The following SP100 variants were observed in gnomAD, a reference collection of about 807,000 sequenced individuals.
SP100 encodes nuclear autoantigen Sp-100.
SP100 carries 84 observed loss-of-function variants against 130.0 expected under a neutral mutation model. The ratio of observed to expected loss-of-function variants is 0.65; its 90% confidence interval spans 0.54 to 0.77. The LOEUF is 0.77. Among genes scored for constraint, SP100 ranks in the 30% least tolerant of loss-of-function variants. SP100 has a pLI of 0.00. For missense variants in SP100, 978 were observed against 1,052.2 expected, an observed-to-expected ratio of 0.93 and a Z score of 0.97; for synonymous variants, 331 against 351.7, an observed-to-expected ratio of 0.94 and a Z score of 0.66.
intron 24 of SP100, among the ~76,000 whole-genome samples, chr2:230,520,034 G>A (rs2150095059): frequency 6.6e-6 from 1 of 152,284 alleles, no homozygotes; most frequent in Non-Finnish European, 1.5e-5. Context: ...GATTAAGTGT[G>A]GTGGTTTTGA....
intron 17 of SP100, among the ~76,000 whole-genome samples, chr2:230,480,502 T>C (rs888408346): frequency 6.6e-6 from 1 of 152,206 alleles, no homozygotes; most frequent in Non-Finnish European, 1.5e-5. Flanking sequence ...GTGGATCTCA[T>C]TTATGGGGGC....
chr2:230,425,668 T>G (rs1017858487), intron 2 of SP100, among the ~76,000 whole-genome samples: 6 of 152,190 alleles, frequency 3.9e-5, no homozygotes, highest in Non-Finnish European at 8.8e-5. Flanking sequence ...TGGTAGTATT[T>G]TGTTGAGAAT....
intron 2 of SP100, among the ~76,000 whole-genome samples, chr2:230,432,526 T>C (rs2063130119): frequency 6.6e-6 from 1 of 152,210 alleles, no homozygotes. Context: ...AAATTTGTTA[T>C]TTTATGTCTT....
At position 230,506,782 on chromosome 2, in the gene SP100, TACACACACACACAC is replaced by T. The variant is rs57619257; in HGVS notation, c.2013+367_2013+380del. On this transcript the variant is annotated intron_variant, in intron 22 of 28. Transcript: ENST00000340126. ...ATTTTCGGGGGAGGTAAATGTTAAA[TACACACACACACAC>T]ACACACACACACACACACACACACA... 325 of 181,534 alleles carry T rather than the reference TACACACACACACAC, an allele frequency of 1.8e-3. 1 individual carries two copies. Among genetic ancestry groups the T allele is most frequent in the African/African-American group, 7.0e-3 (277 of 39,656 alleles). 11.2% of individuals were successfully genotyped at this position (181,534 alleles called of 1,614,324 possible).
chr2:230,418,560 C>T (rs535033349), intron 2 of SP100, among the ~76,000 whole-genome samples: 2 of 151,936 alleles, frequency 1.3e-5, no homozygotes, highest in African/African-American at 2.4e-5. Flanking sequence ...CCAAACTTCC[C>T]GTTTGCTTAG....
chr2:230,515,860 G>T, intron 24 of SP100: 1 of 1,291,878 alleles, frequency 7.7e-7, no homozygotes, highest in Non-Finnish European at 9.8e-7. Flanking sequence ...GTACAGTATG[G>T]GGGTTGTAAA....
chr2:230,527,015 A>G (rs1356522771), intron 24 of SP100, among the ~76,000 whole-genome samples: 1 of 152,220 alleles, frequency 6.6e-6, no homozygotes, highest in Non-Finnish European at 1.5e-5. Flanking sequence ...GATATTATCC[A>G]GGAGAACTTC....
chr2:230,494,684 T>C (rs1408015532), intron 18 of SP100, among the ~76,000 whole-genome samples: 1 of 152,206 alleles, frequency 6.6e-6, no homozygotes, highest in African/African-American at 2.4e-5. Flanking sequence ...GCAGTCTGCC[T>C]TCCTTAACAT....
At chr2:230,514,725 G>A (rs545965723) in intron 24 of SP100, among the ~76,000 whole-genome samples, 23 of 151,612 alleles carry the variant, frequency 1.5e-4, no homozygotes, top group Admixed American at 3.3e-4. Context: ...GAACTTTTTC[G>A]TTAGACATTT....
chr2:230,425,581 T>C (rs2062903355), intron 2 of SP100, among the ~76,000 whole-genome samples: 2 of 152,236 alleles, frequency 1.3e-5, no homozygotes, highest in African/African-American at 2.4e-5. Flanking sequence ...TGTTGCATCA[T>C]CCTTGCATCC....
chr2:230,448,508 T>C (rs928816090), intron 5 of SP100, among the ~76,000 whole-genome samples: 1 of 152,122 alleles, frequency 6.6e-6, no homozygotes, highest in Non-Finnish European at 1.5e-5. Flanking sequence ...CCCCAGAGCC[T>C]GCATTCCTAA....
intron 2 of SP100, among the ~76,000 whole-genome samples, chr2:230,435,379 C>T (rs376597232): frequency 1.3e-5 from 2 of 152,142 alleles, no homozygotes; most frequent in African/African-American, 4.8e-5. Context: ...GATATATTAA[C>T]CCTTTGTCAT....
chr2:230,433,601 A>G (rs2063160892), intron 2 of SP100, among the ~76,000 whole-genome samples: 1 of 152,150 alleles, frequency 6.6e-6, no homozygotes, highest in Non-Finnish European at 1.5e-5. Context: ...CATGTTAAAC[A>G]TATTGAGTCT....
intron 24 of SP100, chr2:230,515,698 A>C: frequency 6.5e-7 from 1 of 1,540,402 alleles, no homozygotes; most frequent in Non-Finnish European, 8.6e-7. Flanking sequence ...CCTGTACACA[A>C]CTCACTCCTT....
intron 17 of SP100, among the ~76,000 whole-genome samples, chr2:230,477,890 G>A (rs2065640174): frequency 7.2e-6 from 1 of 139,766 alleles, no homozygotes; most frequent in African/African-American, 2.7e-5. Context: ...AGCTGAGACT[G>A]CACCACTGCA....
chr2:230,504,278 C>A lies in SP100; in HGVS notation c.1858C>A (p.Arg620=). 17 of 1,592,326 alleles carry A rather than the reference C, an allele frequency of 1.1e-5. No homozygotes were observed. Among genetic ancestry groups the A allele is most frequent in the Non-Finnish European group, 1.5e-5 (17 of 1,162,030 alleles). Residue 620 remains arginine, a synonymous_variant, in exon 21 of 29, where the codon CGA becomes AGA. Coordinates refer to ENST00000340126, the MANE Select transcript of SP100 (RefSeq NM_001080391.2). ...GEVKGTLYKE[R]FKQGTSKKCI... is the part of the protein sequence containing the mutation. ...GGTGAAGGGCACTCTATATAAGGAG[C>A]GATTCAAACAAGGTGAGTTTACTGG...
chr2:230,444,752 CCA>C (rs771917601), intron 4 of SP100, among the ~76,000 whole-genome samples: 1 of 152,230 alleles, frequency 6.6e-6, no homozygotes, highest in African/African-American at 2.4e-5. Flanking sequence ...TGGCTCAGCA[CCA>C]CATGCCTGTG....
At chr2:230,503,001 G>A in intron 19 of SP100, 65 bp from the exon 20 acceptor site, 1 of 1,227,252 alleles carries the variant, frequency 8.1e-7, no homozygotes, top group South Asian at 1.4e-5. Context: ...TTTGAATGGT[G>A]GTTTTGTAAA....
Position 230,545,316 on chromosome 2 carries a change from A to G in SP100, c.*2370A>G, listed in dbSNP as rs1692275827. On this transcript the variant is annotated 3_prime_UTR_variant, in exon 29 of 29. Coordinates refer to ENST00000340126, the MANE Select transcript of SP100 (RefSeq NM_001080391.2). Reference sequence around the variant, plus strand: ...AGCTGGAGGCTATTATCCTTAGCAAACTAATTCAGGAACAGAAAACCAAAT... The same window carrying G: ...AGCTGGAGGCTATTATCCTTAGCAAGCTAATTCAGGAACAGAAAACCAAAT... Among the ~76,000 whole-genome samples, 1 of 152,200 alleles carries G rather than the reference A, an allele frequency of 6.6e-6. No individual in the cohort carries two copies. Among genetic ancestry groups the G allele is most frequent in the Non-Finnish European group, 1.5e-5 (1 of 68,030 alleles).
Sources: gnomAD v4.1 joint callset for allele counts (sites outside exome capture counted in the v4.1 genomes callset) on GRCh38, gnomAD v4.1.1 for gene constraint, MANE v1.5 for transcripts, NCBI Gene and HGNC (gene_info 2026-07-23, HGNC 2026-07-21) for gene names.